DNAH12: variants seen among roughly 807,000 people sequenced by gnomAD.
DNAH12 encodes the protein axonemal beta dynein heavy chain 12.
Under a neutral mutation model 371.5 loss-of-function variants are expected in DNAH12, and 285 were observed. The ratio of observed to expected loss-of-function variants is 0.77; its 90% CI spans 0.70 to 0.85. DNAH12 has a LOEUF of 0.85. DNAH12 is among the 40% of genes least tolerant of loss of function. The probability of loss-of-function intolerance (pLI) is 0.00; values close to 1 mark genes in which losing one functional copy is unlikely to be tolerated. For missense variants in DNAH12, 3,611 were observed against 3,689.4 expected, an observed-to-expected ratio of 0.98 and a Z score of 0.55; for synonymous variants, 1,200 against 1,213.0, an observed-to-expected ratio of 0.99 and a Z score of 0.22.
intron 2 of DNAH12, among the ~76,000 whole-genome samples, chr3:57,540,995 A>G (rs2069254571): frequency 6.6e-6 from 1 of 151,772 alleles, no homozygotes; most frequent in Admixed American, 6.6e-5. Flanking sequence ...ATCTACTGAA[A>G]CACTGAATAG....
In DNAH12 at chr3:57,504,224, GTTACT is replaced by G. The variant is rs1458370119; in HGVS notation, c.898-25_898-21del. The stretch of plus-strand genomic sequence containing the variant: ...CTTTAGCTGCGTGATATAAATCACT[GTTACT>G]TTAGAGAGTACAAATTCAACCTTTA... On this transcript the variant is annotated intron_variant, in intron 8 of 73. Transcript: ENST00000495027. The G allele has an allele frequency of 1.9e-6, 3 of 1,596,118 alleles. No homozygotes were observed. Among genetic ancestry groups the G allele is most frequent in the Non-Finnish European group, 2.6e-6 (3 of 1,169,404 alleles).
At chr3:57,313,351 A>AT (rs1269756388) in intron 66 of DNAH12, among the ~76,000 whole-genome samples, 1 of 152,166 alleles carries the variant, frequency 6.6e-6, no homozygotes, top group Non-Finnish European at 1.5e-5. Flanking sequence ...TTTAAAAAAA[A>AT]CAACAACAAA....
At position 57,323,486 on chromosome 3, in the gene DNAH12, C is replaced by T. The variant is rs62621233; in HGVS notation, c.10112G>A (p.Gly3371Glu). ...TIPLIFVLSP[G>E]ADPMASLLKF... ...GCACTTACTGGCCATAGGATCTGCTCCTGGAGATAGAACAAAAATTAAGGG... is the reference window on the plus strand; with the variant it reads ...GCACTTACTGGCCATAGGATCTGCTTCTGGAGATAGAACAAAAATTAAGGG... Residue 3371 changes from glycine (G) to glutamate (E), a missense_variant, in exon 63 of 74, where the codon GGA becomes GAA. Gly to Glu is a moderately conservative substitution (Grantham distance 98, BLOSUM62 -2). This residue lies in a region of DNAH12 where 2,266 missense variants were observed against 2,236.9 expected (regional missense o/e 1.01). Transcript: ENST00000495027. The T allele has an allele frequency of 8.4e-6, 13 of 1,548,902 alleles. No individual in the cohort carries two copies. The highest frequency in any genetic ancestry group is 1.1e-5 in the Non-Finnish European group (13 of 1,146,284).
chr3:57,455,205 A>G (rs1445855266), intron 22 of DNAH12, among the ~76,000 whole-genome samples: 2 of 152,044 alleles, frequency 1.3e-5, no homozygotes, highest in Admixed American at 1.3e-4. Flanking sequence ...AGAGTTGTCA[A>G]GTTTTCTATA....
chr3:57,552,333 A>G, the DNAH12 span, among the ~76,000 whole-genome samples: 3 of 152,110 alleles, frequency 2.0e-5, no homozygotes, highest in Admixed American at 1.3e-4. Context: ...CTGGGATTAC[A>G]GGCATGAGCC....
chr3:57,301,800 A>G lies in DNAH12; in HGVS notation c.11329T>C (p.Tyr3777His), dbSNP rs1353854450. Residue 3777 changes from tyrosine (Y) to histidine (H), a missense_variant, in exon 70 of 74, where the codon TAC becomes CAC. This residue lies in a region of DNAH12 where 2,266 missense variants were observed against 2,236.9 expected (regional missense o/e 1.01). Transcript: ENST00000495027. ...CTTCCCAGGGGCTTAAGGCTTGGGTATGAACGTTTGGCCCATATTTCTGGA... is the reference window on the plus strand; with the variant it reads ...CTTCCCAGGGGCTTAAGGCTTGGGTGTGAACGTTTGGCCCATATTTCTGGA... ...KVPEIWAKRS[Y>H]PSLKPLGSYI... 3 of 1,551,348 alleles carry G rather than the reference A, an allele frequency of 1.9e-6. No homozygotes were observed. Among genetic ancestry groups the G allele is most frequent in the Non-Finnish European group, 2.6e-6 (3 of 1,146,962 alleles).
chr3:57,300,040 G>A (rs910519978), intron 70 of DNAH12, among the ~76,000 whole-genome samples: 1 of 152,100 alleles, frequency 6.6e-6, no homozygotes, highest in Non-Finnish European at 1.5e-5. Context: ...CCTGTAGCCC[G>A]AGCAGCACCA....
At chr3:57,531,083 T>C (rs1261388050) in intron 2 of DNAH12, 1 of 152,266 alleles carries the variant, frequency 6.6e-6, no homozygotes, top group Admixed American at 6.5e-5. Context: ...TAATATTCTG[T>C]GTTTTTTCTC....
intron 62 of DNAH12, among the ~76,000 whole-genome samples, chr3:57,325,670 T>A (rs1011925283): frequency 3.3e-5 from 5 of 152,128 alleles, no homozygotes; most frequent in African/African-American, 9.7e-5. Context: ...GCACCTCTCC[T>A]CCTCCAAAGG....
Position 57,323,532 on chromosome 3 carries a change from A to G in DNAH12, c.10066T>C (p.Leu3356=), listed in dbSNP as rs1202106163. The G allele has an allele frequency of 6.4e-7, 1 of 1,551,088 alleles. No individual in the cohort carries two copies. The highest frequency in any genetic ancestry group is 8.7e-7 in the Non-Finnish European group (1 of 1,146,812). The part of the protein sequence containing the change: ...PPPFDLTKSY[L]DSNCTIPLIF... ...AAGGGAATGGTGCAATTTGAATCCA[A>G]GTAACTCTTTGTCAAATCAAATGGT... Residue 3356 remains leucine (L), a synonymous_variant, in exon 63 of 74, where the codon TTG becomes CTG. Transcript: ENST00000495027.
At chr3:57,446,318 T>C in intron 26 of DNAH12, 48 bp from the exon 27 acceptor site, 1 of 1,520,190 alleles carries the variant, frequency 6.6e-7, no homozygotes, top group Non-Finnish European at 8.8e-7. Flanking sequence ...GGAAAGGATA[T>C]CATCTCTTAA....
Position 57,471,498 on chromosome 3 carries a change from A to G in DNAH12, c.1885T>C (p.Phe629Leu), listed in dbSNP as rs2066367587. ...ESRRMEEFTE[F>L]AELERMQQYV... ...TGTTGCATGCGCTCCAGCTCTGCAA[A>G]TTCTGTAAACTCCTCCATGCGGCGT... is the stretch of plus-strand genomic sequence containing the variant. The change falls in exon 15 of 74, where the codon TTT becomes CTT. Residue 629 changes from phenylalanine to leucine, a missense_variant. Around this residue, in one of 3 missense-constraint regions of DNAH12, gnomAD observed 1,314 missense variants for 1,398.7 expected, o/e 0.94. Coordinates refer to ENST00000495027, the MANE Select transcript of DNAH12 (RefSeq NM_001366028.2). 6.5e-7 allele frequency: 1 copy of G among 1,547,582 alleles called. No homozygotes were observed. The highest frequency in any genetic ancestry group is 8.7e-7 in the Non-Finnish European group (1 of 1,146,340).
intron 2 of DNAH12, among the ~76,000 whole-genome samples, chr3:57,538,986 C>A (rs2069164365): frequency 1.3e-5 from 2 of 152,326 alleles, no homozygotes; most frequent in South Asian, 4.1e-4. Context: ...TACTATCCAC[C>A]TAGCTACCAA....
chr3:57,361,438 C>T lies in DNAH12; in HGVS notation c.9360+2156G>A, dbSNP rs968988886. 3.3e-4 allele frequency among the ~76,000 whole-genome samples: 38 copies of T among 115,854 alleles called. No individual in the cohort carries two copies. In the East Asian group the frequency reaches 0.013, roughly 39 times the overall value. 76.0% of individuals were successfully genotyped at this position (115,854 alleles called of 152,430 possible). ...CACACACACTATATATATATACACA[C>T]ACACACTATATATATATATATATAT... On this transcript the variant is annotated intron_variant, in intron 58 of 73. Transcript: ENST00000495027.
At chr3:57,519,897 C>T in intron 4 of DNAH12, 1 of 917,452 alleles carries the variant, frequency 1.1e-6, no homozygotes, top group Non-Finnish European at 1.8e-6. Context: ...TCCACATGGC[C>T]ACCACGTTCC....
rs1163989956 is a variant in DNAH12 at position 57,293,743 on chromosome 3, T to C, written c.*38A>G. The C allele has an allele frequency of 5.3e-6, 8 of 1,523,178 alleles. No homozygotes were observed. The highest frequency in any genetic ancestry group is 7.0e-6 in the Non-Finnish European group (8 of 1,137,426). 94.4% of individuals were successfully genotyped at this position (1,523,178 alleles called of 1,614,324 possible). ...TATTTTAAGTAGGACAGGTTTTTTTTTTTTTAAACTTTTGGATGTTTTATA... is the reference window on the plus strand; with the variant it reads ...TATTTTAAGTAGGACAGGTTTTTTTCTTTTTAAACTTTTGGATGTTTTATA... On this transcript the variant is annotated 3_prime_UTR_variant, in exon 74 of 74. Transcript: ENST00000495027.
chr3:57,415,146 T>C (rs2064328161), intron 38 of DNAH12, among the ~76,000 whole-genome samples: 1 of 142,096 alleles, frequency 7.0e-6, no homozygotes, highest in Non-Finnish European at 1.6e-5. Flanking sequence ...TGTGTGTGAG[T>C]GTGTGTGTGT....
chr3:57,397,936 A>G (rs2063779087), intron 43 of DNAH12, among the ~76,000 whole-genome samples: 1 of 152,176 alleles, frequency 6.6e-6, no homozygotes, highest in Non-Finnish European at 1.5e-5. Flanking sequence ...GAAACAAAAT[A>G]AAGCTCCAGA....
chr3:57,454,416 G>T (rs545804749), intron 23 of DNAH12, among the ~76,000 whole-genome samples: 1 of 150,984 alleles, frequency 6.6e-6, no homozygotes, highest in East Asian at 1.9e-4. Flanking sequence ...GGAGGCGGAG[G>T]TTGCAGTGAG....
Sources: allele counts gnomAD v4.1 joint callset (sites outside exome capture counted in the v4.1 genomes callset), GRCh38; gene constraint gnomAD v4.1.1; regional missense constraint gnomAD v4.1.1; transcripts MANE v1.5; gene names NCBI Gene and HGNC (gene_info 2026-07-23, HGNC 2026-07-21).